The following LPP variants were observed in gnomAD, a reference collection of about 807,000 sequenced individuals.
LPP encodes lipoma-preferred partner.
Under a neutral mutation model 60.4 loss-of-function variants are expected in LPP, and 38 were observed. The ratio of observed to expected loss-of-function variants is 0.63; its 90% CI spans 0.49 to 0.83. The LOEUF is 0.83. Ranked by LOEUF, LPP falls within the 40% of genes least tolerant of loss-of-function variation. The probability of loss-of-function intolerance (pLI) is 0.00; values close to 1 mark genes in which losing one functional copy is unlikely to be tolerated. For synonymous variants in LPP, 328 were observed against 290.8 expected (o/e 1.13, Z -1.30); for missense variants, 902 against 783.6 (o/e 1.15, Z -1.80).
intron 7 of LPP, among the ~76,000 whole-genome samples, chr3:188,614,510 CT>C (rs1192018195): frequency 2.0e-5 from 3 of 152,140 alleles, no homozygotes; most frequent in Admixed American, 2.0e-4. Context: ...TTTGTACAGA[CT>C]TTTTAGTTTC....
intron 2 of LPP, among the ~76,000 whole-genome samples, chr3:188,233,780 A>C (rs1013544897): frequency 6.6e-6 from 1 of 152,090 alleles, no homozygotes; most frequent in Non-Finnish European, 1.5e-5. Flanking sequence ...CCTTTAAGTC[A>C]ATTTTTAAAA....
chr3:188,339,944 T>C (rs1762608318), intron 2 of LPP, among the ~76,000 whole-genome samples: 1 of 152,266 alleles, frequency 6.6e-6, no homozygotes, highest in South Asian at 2.1e-4. Context: ...TGTCACCTTC[T>C]GGTTAGACCA....
At chr3:188,690,442 T>C (rs1370085583) in intron 7 of LPP, among the ~76,000 whole-genome samples, 4 of 152,248 alleles carry the variant, frequency 2.6e-5, no homozygotes, top group Non-Finnish European at 5.9e-5. Flanking sequence ...CCCTGAAAGA[T>C]AAGTTTTTTT....
At chr3:188,709,549 G>T (rs1043715670) in intron 8 of LPP, 1 of 152,130 alleles carries the variant, frequency 6.6e-6, no homozygotes, top group African/African-American at 2.4e-5. Flanking sequence ...TAGAGACGAG[G>T]TTTCGCCATG....
At chr3:188,678,218 C>T (rs944505780) in intron 7 of LPP, among the ~76,000 whole-genome samples, 53 of 152,354 alleles carry the variant, frequency 3.5e-4, no homozygotes, top group Admixed American at 3.3e-3. Flanking sequence ...TTACAACACG[C>T]TTTCCTCAAT....
intron 2 of LPP, among the ~76,000 whole-genome samples, chr3:188,243,446 G>C (rs1725706491): frequency 6.6e-6 from 1 of 152,194 alleles, no homozygotes; most frequent in Non-Finnish European, 1.5e-5. Flanking sequence ...AAACCTCCGG[G>C]GGCTTGGGGT....
In LPP at chr3:188,711,633, C is replaced by CA. The variant is rs76908828; in HGVS notation, c.1240+3250dup. ...AAGAAAATTTACGTTATGTAGAAAA[C>CA]AAAAAAAAAAGTGCCTATGGTAATA... is the stretch of plus-strand genomic sequence containing the variant. On this transcript the variant is annotated intron_variant, in intron 8 of 11. Transcript: ENST00000617246. 323 of 147,076 alleles carry CA rather than the reference C, an allele frequency of 2.2e-3. 3 individuals carry two copies. The highest frequency in any genetic ancestry group is 3.5e-3 in the Middle Eastern group (1 of 284). 9.1% of individuals were successfully genotyped at this position (147,076 alleles called of 1,614,324 possible). A position where few individuals can be genotyped will look rare whatever the true frequency, so the allele number is the denominator to read the frequency against.
At chr3:188,687,928 C>T (rs553286151) in intron 7 of LPP, among the ~76,000 whole-genome samples, 1 of 152,236 alleles carries the variant, frequency 6.6e-6, no homozygotes, top group South Asian at 2.1e-4. Flanking sequence ...GCGCCCATCA[C>T]CATGCCTGGC....
At chr3:188,171,501 A>T (rs1182166685) in intron 1 of LPP, among the ~76,000 whole-genome samples, 1 of 152,054 alleles carries the variant, frequency 6.6e-6, no homozygotes. Flanking sequence ...GATGCTGTCC[A>T]CTCTGAAACC....
At chr3:188,367,051 C>T (rs1771405690) in intron 3 of LPP, among the ~76,000 whole-genome samples, 1 of 152,100 alleles carries the variant, frequency 6.6e-6, no homozygotes, top group Non-Finnish European at 1.5e-5. Context: ...CACCCGCCAC[C>T]ATGCCCGGCT....
intron 6 of LPP, among the ~76,000 whole-genome samples, chr3:188,554,926 G>A (rs1373441127): frequency 1.3e-5 from 2 of 152,114 alleles, no homozygotes; most frequent in African/African-American, 2.4e-5. Context: ...TGTGGGAGAG[G>A]CATAGTAAAC....
intron 4 of LPP, among the ~76,000 whole-genome samples, chr3:188,442,841 G>A (rs7645379): frequency 0.93 from 141,416 of 152,238 alleles, 66,246 homozygotes; most frequent in East Asian, 0.99. Context: ...GAGGGGTTTC[G>A]TCTTGAGAAT....
At chr3:188,835,729 A>G (rs898669970) in intron 9 of LPP, among the ~76,000 whole-genome samples, 1 of 152,366 alleles carries the variant, frequency 6.6e-6, no homozygotes, top group Non-Finnish European at 1.5e-5. Context: ...CGCCCCTACG[A>G]TGTGACAAGT....
chr3:188,771,549 C>CA (rs66712771), intron 9 of LPP, among the ~76,000 whole-genome samples: 11,531 of 108,858 alleles, frequency 0.11, 773 homozygotes, highest in Middle Eastern at 0.16. Flanking sequence ...GACTCCATCT[C>CA]AAAAAAAAAA....
chr3:188,314,009 T>G (rs1431600063), intron 2 of LPP, among the ~76,000 whole-genome samples: 2 of 152,232 alleles, frequency 1.3e-5, no homozygotes, highest in Non-Finnish European at 2.9e-5. Context: ...ATTATTTGAA[T>G]AATTTTAGAT....
intron 1 of LPP, among the ~76,000 whole-genome samples, chr3:188,207,213 T>C (rs1289610079): frequency 1.7e-5 from 1 of 57,622 alleles, no homozygotes; most frequent in Non-Finnish European, 5.6e-5. Context: ...ACACATTTTC[T>C]TTTTTTTTTT....
chr3:188,839,748 G>A (rs1450793373), intron 9 of LPP, among the ~76,000 whole-genome samples: 1 of 151,988 alleles, frequency 6.6e-6, no homozygotes, highest in African/African-American at 2.4e-5. Context: ...CATGGTGGTG[G>A]GCGCCTGTAA....
chr3:188,246,768 T>C (rs1226878002), intron 2 of LPP, among the ~76,000 whole-genome samples: 4 of 152,202 alleles, frequency 2.6e-5, no homozygotes, highest in African/African-American at 9.7e-5. Flanking sequence ...TCTCACAATA[T>C]TATCCTTCCT....
chr3:188,586,276 C>T (rs1837419416), intron 6 of LPP, among the ~76,000 whole-genome samples: 3 of 151,980 alleles, frequency 2.0e-5, no homozygotes, highest in Non-Finnish European at 4.4e-5. Flanking sequence ...GAGTCTTTTT[C>T]TTAACTAAAT....
Sources: gnomAD v4.1 joint callset for allele counts (sites outside exome capture counted in the v4.1 genomes callset) on GRCh38, gnomAD v4.1.1 for gene constraint, MANE v1.5 for transcripts, NCBI Gene and HGNC (gene_info 2026-07-23, HGNC 2026-07-21) for gene names.